The following RBBP5 variants were observed in gnomAD, a reference collection of about 807,000 sequenced individuals.
RBBP5 encodes retinoblastoma-binding protein 5.
In RBBP5, 5 loss-of-function variants were observed where a neutral mutation model predicts 72.2. The observed-to-expected ratio is 0.07, with a 90% CI of 0.04 to 0.15. The LOEUF (loss-of-function observed/expected upper bound fraction) is 0.15, where lower values mean the gene tolerates loss of function less well. Ranked by LOEUF, RBBP5 falls within the 10% of genes least tolerant of loss-of-function variation. RBBP5 has a pLI of 1.00. For synonymous variants in RBBP5, 209 were observed against 237.2 expected (o/e 0.88, Z 1.09); for missense variants, 322 against 652.2 (o/e 0.49, Z 5.51).
At chr1:205,112,964 A>G (rs1247464417) in intron 3 of RBBP5, among the ~76,000 whole-genome samples, 1 of 152,092 alleles carries the variant, frequency 6.6e-6, no homozygotes, top group Non-Finnish European at 1.5e-5. Flanking sequence ...CTCTATAAAA[A>G]ATTTTTTAAA....
intron 3 of RBBP5, among the ~76,000 whole-genome samples, chr1:205,110,363 C>T (rs112411058): frequency 0.023 from 3,573 of 152,108 alleles, 54 homozygotes; most frequent in East Asian, 0.066. Context: ...CATTTTTTCT[C>T]TCTTTCATAC....
chr1:205,093,511 T>C (rs1348731840), intron 13 of RBBP5, among the ~76,000 whole-genome samples: 1 of 8,110 alleles, frequency 1.2e-4, no homozygotes, highest in African/African-American at 5.2e-4. Flanking sequence ...TATATATATA[T>C]ATATATATAT....
chr1:205,111,135 A>C (rs1656297752), intron 3 of RBBP5, among the ~76,000 whole-genome samples: 1 of 152,258 alleles, frequency 6.6e-6, no homozygotes, highest in Non-Finnish European at 1.5e-5. Context: ...AATATTAAAA[A>C]TGTTGGAGGG....
chr1:205,113,665 C>A (rs1574716159), intron 3 of RBBP5, among the ~76,000 whole-genome samples: 1 of 149,586 alleles, frequency 6.7e-6, no homozygotes, highest in Admixed American at 6.8e-5. Context: ...GAAACACATA[C>A]ACACACACAT....
At chr1:205,115,343 G>T (rs188810385) in intron 2 of RBBP5, among the ~76,000 whole-genome samples, 3 of 151,948 alleles carry the variant, frequency 2.0e-5, no homozygotes, top group Admixed American at 6.6e-5. Context: ...GAATTTAAAA[G>T]AATTTTTTAA....
chr1:205,097,192 G>A, intron 11 of RBBP5, 134 bp downstream of exon 11: 2 of 884,590 alleles, frequency 2.3e-6, no homozygotes, highest in Non-Finnish European at 3.5e-6. Context: ...TGGATTTCTT[G>A]TACACCAAAC....
At chr1:205,095,693 A>T (rs1490246627) in intron 12 of RBBP5, among the ~76,000 whole-genome samples, 1 of 152,204 alleles carries the variant, frequency 6.6e-6, no homozygotes, top group Non-Finnish European at 1.5e-5. Flanking sequence ...CACTTCTGTG[A>T]GACTTTAGGC....
rs117797774 is a variant in RBBP5 at position 205,104,466 on chromosome 1, T to A, written c.360-447A>T. ...TGAAAACAGGAGGAGGAGGGTGCAG[T>A]AAGCTGAGACTGTGCCATTGCACTC... On this transcript the variant is annotated intron_variant, in intron 4 of 13. Coordinates refer to ENST00000264515, the MANE Select transcript of RBBP5 (RefSeq NM_005057.4). 4.1e-4 allele frequency among the ~76,000 whole-genome samples: 62 copies of A among 152,070 alleles called. 1 individual carries two copies. The East Asian group carries it at 8.9e-3, about 22-fold the overall frequency.
chr1:205,104,980 C>T (rs1655997827), intron 4 of RBBP5, 48 bp downstream of exon 4: 1 of 1,582,354 alleles, frequency 6.3e-7, no homozygotes, highest in Admixed American at 1.7e-5. Flanking sequence ...CAGAGCTAAT[C>T]CATATAGAAT....
chr1:205,112,905 T>C (rs1461949498), intron 3 of RBBP5, among the ~76,000 whole-genome samples: 3 of 152,292 alleles, frequency 2.0e-5, no homozygotes, highest in South Asian at 2.1e-4. Flanking sequence ...GGAGGATCGA[T>C]TGAAGCCAGG....
Position 205,099,761 on chromosome 1 carries a change from T to C in RBBP5, c.958A>G (p.Ile320Val). The change falls in exon 9 of 14, where the codon ATC (isoleucine) becomes GTC (valine). Residue 320 changes from isoleucine to valine, a missense_variant. By Grantham distance (29) the Ile-to-Val change is conservative (BLOSUM62 3). Transcript: ENST00000264515. The surrounding 1 kb of genome is among the most constrained non-coding windows in gnomAD (Gnocchi z 4.7). ...CTTACTACTTGATTCTGTGCCCAGA[T>C]AGATACCACTCCACTGGAAATGGAT... Reference protein sequence around the residue: ...IASISSGVVSIWAQNQVENWS... With the variant: ...IASISSGVVSVWAQNQVENWS... 6.2e-7 allele frequency: 1 copy of C among 1,613,260 alleles called. No homozygotes were observed. Among genetic ancestry groups the C allele is most frequent in the East Asian group, 2.2e-5 (1 of 44,884 alleles).
chr1:205,102,870 G>A lies in RBBP5; in HGVS notation c.522+987C>T, dbSNP rs1214491875. ...TAGCCAGGTGTGGTGATGAATGCCT[G>A]TAATCCCAGCTACTCGGGAGGCTGA... On this transcript the variant is annotated intron_variant, in intron 5 of 13. Transcript: ENST00000264515. 3.3e-5 allele frequency among the ~76,000 whole-genome samples: 5 copies of A among 151,948 alleles called. No individual in the cohort carries two copies. In the East Asian group the frequency reaches 5.8e-4, roughly 18 times the overall value.
chr1:205,121,390 C>T (rs113544610), intron 1 of RBBP5, among the ~76,000 whole-genome samples: 1 of 152,262 alleles, frequency 6.6e-6, no homozygotes, highest in South Asian at 2.1e-4. Flanking sequence ...ACCCTCTGAG[C>T]CTTTATTCAT....
chr1:205,116,115 T>C, intron 1 of RBBP5: 1 of 755,742 alleles, frequency 1.3e-6, no homozygotes, highest in Non-Finnish European at 2.0e-6. Flanking sequence ...ACCTGGGATA[T>C]TGAAACAGAG....
chr1:205,090,405 G>A (rs1655297201), intron 13 of RBBP5, among the ~76,000 whole-genome samples: 2 of 152,156 alleles, frequency 1.3e-5, no homozygotes, highest in South Asian at 4.1e-4. Flanking sequence ...ACCTTATACT[G>A]GAGGGCAGCT....
At position 205,094,913 on chromosome 1, in the gene RBBP5, CGCTGATCCTTCCAGAG is replaced by C; in HGVS notation, c.1532_1547del (p.Pro511ArgfsTer13). The C allele has an allele frequency of 6.2e-7, 1 of 1,614,200 alleles. No homozygotes were observed. The highest frequency in any genetic ancestry group is 1.1e-5 in the South Asian group (1 of 91,088). On this transcript the variant is annotated frameshift_variant, in exon 13 of 14. Coordinates refer to ENST00000264515, the MANE Select transcript of RBBP5 (RefSeq NM_005057.4). LOFTEE classifies it high-confidence loss of function. ...TGAGTTCCGCCTGCACTTTACCCTT[CGCTGATCCTTCCAGAG>C]GTAAACCTCTGTCCCCTTTGTAGAG...
chr1:205,098,844 CAAAAAA>C, intron 10 of RBBP5, 139 bp downstream of exon 10: 37 of 282,856 alleles, frequency 1.3e-4, no homozygotes, highest in Non-Finnish European at 1.6e-4. Context: ...AATTCCATCT[CAAAAAA>C]AAAAAAAAAA....
At chr1:205,117,525 T>C (rs1190944222) in intron 1 of RBBP5, among the ~76,000 whole-genome samples, 1 of 150,960 alleles carries the variant, frequency 6.6e-6, no homozygotes, top group Non-Finnish European at 1.5e-5. Flanking sequence ...CCAGGCGTGG[T>C]GGCGCATGCC....
chr1:205,089,326 A>C (rs1012329283), intron 13 of RBBP5, among the ~76,000 whole-genome samples: 3 of 152,206 alleles, frequency 2.0e-5, no homozygotes, highest in African/African-American at 7.2e-5. Flanking sequence ...TGTTCGTGAG[A>C]GCTACTGTCT....
Sources: gnomAD v4.1 joint callset for allele counts (sites outside exome capture counted in the v4.1 genomes callset) on GRCh38, gnomAD v4.1.1 for gene constraint, Gnocchi (gnomAD v3.1) non-coding constraint, MANE v1.5 for transcripts, NCBI Gene and HGNC (gene_info 2026-07-23, HGNC 2026-07-21) for gene names.